The following MEGF10 variants were observed in gnomAD, a reference collection of about 807,000 sequenced individuals.
The protein encoded by MEGF10 is multiple EGF like domains 10.
Under a neutral mutation model 147.5 loss-of-function variants are expected in MEGF10, and 86 were observed. The ratio of observed to expected loss-of-function variants is 0.58; its 90% CI spans 0.49 to 0.70. The LOEUF (loss-of-function observed/expected upper bound fraction) is 0.70, where lower values mean the gene tolerates loss of function less well. Ranked by LOEUF, MEGF10 falls within the 30% of genes least tolerant of loss-of-function variation. The pLI is 0.00. For missense variants in MEGF10, 1,329 were observed against 1,487.3 expected (o/e 0.89, Z 1.75); for synonymous variants, 478 against 525.5 (o/e 0.91, Z 1.24).
At chr5:127,398,571 T>C in intron 6 of MEGF10, 105 bp from the exon 7 acceptor site, 1 of 1,317,996 alleles carries the variant, frequency 7.6e-7, no homozygotes, top group Non-Finnish European at 1.1e-6. Context: ...TGAACAATTA[T>C]TGAACACAGA....
intron 5 of MEGF10, among the ~76,000 whole-genome samples, chr5:127,382,059 C>T (rs1402636622): frequency 6.6e-6 from 1 of 152,184 alleles, no homozygotes; most frequent in African/African-American, 2.4e-5. Flanking sequence ...CTTTTTAAAA[C>T]ACTTGAAAAT....
the MEGF10 span, among the ~76,000 whole-genome samples, chr5:127,239,511 A>G: frequency 6.8e-6 from 1 of 146,690 alleles, no homozygotes; most frequent in Non-Finnish European, 1.5e-5. Context: ...TTTTACATGT[A>G]TATACTTTAT....
chr5:127,432,135 A>G (rs1044449161), intron 13 of MEGF10, among the ~76,000 whole-genome samples: 10 of 152,176 alleles, frequency 6.6e-5, no homozygotes, highest in Non-Finnish European at 1.3e-4. Flanking sequence ...GCTAGACACA[A>G]TGAGGTCTGC....
rs201957266 is a variant in MEGF10 at position 127,362,421 on chromosome 5, G to A, written c.320-7489G>A. 1.3e-3 allele frequency among the ~76,000 whole-genome samples: 201 copies of A among 149,864 alleles called. 2 individuals are homozygous for A. Among genetic ancestry groups the A allele is most frequent in the East Asian group, 5.5e-3 (28 of 5,104 alleles). On this transcript the variant is annotated intron_variant, in intron 4 of 24. Coordinates refer to ENST00000503335, the MANE Select transcript of MEGF10 (RefSeq NM_001256545.2). ...GTCTTGCTCTGTCACCCAGACTGGAGTTCAGTGGCGCGATCTCGGCTCACT... is the reference window on the plus strand; with the variant it reads ...GTCTTGCTCTGTCACCCAGACTGGAATTCAGTGGCGCGATCTCGGCTCACT...
chr5:127,355,623 A>T (rs1372919857), intron 4 of MEGF10, among the ~76,000 whole-genome samples: 2 of 152,184 alleles, frequency 1.3e-5, no homozygotes, highest in African/African-American at 4.8e-5. Flanking sequence ...CCACACATCT[A>T]TCGGAACCTA....
chr5:127,410,993 T>C (rs1000867145), intron 9 of MEGF10, among the ~76,000 whole-genome samples: 1 of 152,108 alleles, frequency 6.6e-6, no homozygotes, highest in Admixed American at 6.5e-5. Context: ...AAGTGATTCT[T>C]ACTGCAGCAT....
At chr5:127,246,382 C>T in the MEGF10 span, among the ~76,000 whole-genome samples, 1 of 152,056 alleles carries the variant, frequency 6.6e-6, no homozygotes, top group East Asian at 1.9e-4. Context: ...CATGTTCTCA[C>T]TCATAAGTGG....
chr5:127,273,286 G>A, the MEGF10 span, among the ~76,000 whole-genome samples: 1 of 152,354 alleles, frequency 6.6e-6, no homozygotes, highest in African/African-American at 2.4e-5. Context: ...CCTTGGCCAG[G>A]GGTGGGGGTT....
intron 9 of MEGF10, among the ~76,000 whole-genome samples, chr5:127,415,544 G>A (rs1764729098): frequency 1.3e-5 from 2 of 152,072 alleles, no homozygotes; most frequent in African/African-American, 2.4e-5. Flanking sequence ...GGATGTGGGT[G>A]GATTCAAAAT....
chr5:127,318,164 A>G (rs1393500748), intron 1 of MEGF10, among the ~76,000 whole-genome samples: 1 of 152,198 alleles, frequency 6.6e-6, no homozygotes, highest in Non-Finnish European at 1.5e-5. Context: ...AGGAGAAGGT[A>G]CCATCTATGA....
rs377167455 is a variant in MEGF10, at chr5:127,391,118, A to G, written c.413-5414A>G. On this transcript the variant is annotated intron_variant, in intron 5 of 24. Coordinates refer to ENST00000503335, the MANE Select transcript of MEGF10 (RefSeq NM_001256545.2). ...CGCGCGCGCGCACACACACACACAC[A>G]CACACACACACACACACACACACAC... Among the ~76,000 whole-genome samples the G allele has an allele frequency of 1.3e-3, 93 of 70,242 alleles. 2 individuals are homozygous for G. The highest frequency in any genetic ancestry group is 8.2e-3 in the South Asian group (16 of 1,960). 46.1% of individuals were successfully genotyped at this position (70,242 alleles called of 152,430 possible).
At chr5:127,418,056 G>A (rs1580844855) in intron 10 of MEGF10, among the ~76,000 whole-genome samples, 1 of 152,140 alleles carries the variant, frequency 6.6e-6, no homozygotes, top group Non-Finnish European at 1.5e-5. Context: ...ACACATGTCA[G>A]AAAGCATATT....
chr5:127,392,511 C>T (rs576873386), intron 5 of MEGF10, among the ~76,000 whole-genome samples: 1 of 152,314 alleles, frequency 6.6e-6, no homozygotes, highest in South Asian at 2.1e-4. Flanking sequence ...GACCTTATTA[C>T]TTATTATTCA....
intron 4 of MEGF10, among the ~76,000 whole-genome samples, chr5:127,347,843 A>G (rs777258006): frequency 1.3e-5 from 2 of 152,062 alleles, no homozygotes; most frequent in African/African-American, 4.8e-5. Context: ...CTGGGACACA[A>G]CATCCTTGAT....
At chr5:127,317,822 G>A (rs550885878) in intron 1 of MEGF10, among the ~76,000 whole-genome samples, 2 of 152,082 alleles carry the variant, frequency 1.3e-5, no homozygotes, top group Non-Finnish European at 2.9e-5. Context: ...AATGGGTGCA[G>A]CAAACCAACA....
the MEGF10 span, among the ~76,000 whole-genome samples, chr5:127,233,053 G>A: frequency 6.6e-6 from 1 of 152,208 alleles, no homozygotes; most frequent in Non-Finnish European, 1.5e-5. Context: ...TAAAACACAG[G>A]AGAATTGCTC....
chr5:127,442,893 A>G, intron 18 of MEGF10, 105 bp from the exon 19 acceptor site: 1 of 1,214,838 alleles, frequency 8.2e-7, no homozygotes, highest in African/African-American at 1.5e-5. Context: ...CTCAATAGGA[A>G]TCCCCTGAAA....
the MEGF10 span, among the ~76,000 whole-genome samples, chr5:127,254,482 T>C: frequency 0.016 from 2,509 of 152,262 alleles, 59 homozygotes; most frequent in East Asian, 0.086. Flanking sequence ...GAGATAAAGC[T>C]TTTCCAGAAA....
At chr5:127,422,461 C>T (rs1333617603) in intron 12 of MEGF10, among the ~76,000 whole-genome samples, 1 of 152,096 alleles carries the variant, frequency 6.6e-6, no homozygotes, top group Non-Finnish European at 1.5e-5. Context: ...TTGCGCTGAG[C>T]TGAAATCACA....
Sources: allele counts gnomAD v4.1 joint callset (sites outside exome capture counted in the v4.1 genomes callset), GRCh38; gene constraint gnomAD v4.1.1; transcripts MANE v1.5; gene names NCBI Gene and HGNC (gene_info 2026-07-23, HGNC 2026-07-21).